BABAM2: variants seen among roughly 807,000 people sequenced by gnomAD.
BABAM2 encodes BRISC and BRCA1-A complex member 2.
Under a neutral mutation model 54.7 loss-of-function variants are expected in BABAM2, and 31 were observed. That is an observed-to-expected ratio of 0.57 (90% CI 0.43 to 0.77). The LOEUF is 0.77. BABAM2 is among the 30% of genes least tolerant of loss of function. The pLI is 0.00. For missense variants in BABAM2, 364 were observed against 455.8 expected, an observed-to-expected ratio of 0.80 and a Z score of 1.83; for synonymous variants, 167 against 162.9, an observed-to-expected ratio of 1.03 and a Z score of -0.19.
intron 7 of BABAM2, among the ~76,000 whole-genome samples, chr2:28,210,864 C>A (rs552157489): frequency 1.8e-4 from 28 of 152,104 alleles, no homozygotes; most frequent in Non-Finnish European, 4.0e-4. Context: ...TATATTTCTT[C>A]TAAACAAAAC....
chr2:27,891,691 T>C, intron 1 of BABAM2, among the ~76,000 whole-genome samples: 1 of 137,742 alleles, frequency 7.3e-6, no homozygotes, highest in African/African-American at 2.7e-5. Flanking sequence ...TGTGTTCCAC[T>C]CCCCACCCCC....
At chr2:28,205,617 C>T (rs999886515) in intron 7 of BABAM2, among the ~76,000 whole-genome samples, 1 of 152,150 alleles carries the variant, frequency 6.6e-6, no homozygotes, top group African/African-American at 2.4e-5. Context: ...TGTCTGATAC[C>T]AGAGCCCACC....
chr2:28,224,021 A>G (rs888646004), intron 7 of BABAM2, among the ~76,000 whole-genome samples: 3 of 152,202 alleles, frequency 2.0e-5, no homozygotes, highest in African/African-American at 7.2e-5. Flanking sequence ...CACTGCTTGT[A>G]TATGCAACAG....
chr2:27,976,621 T>C (rs1259183592), intron 3 of BABAM2, among the ~76,000 whole-genome samples: 1 of 152,188 alleles, frequency 6.6e-6, no homozygotes, highest in South Asian at 2.1e-4. Context: ...AATTGTTCTG[T>C]ATCCTAATTT....
At chr2:28,035,308 G>C (rs1676586040) in intron 5 of BABAM2, among the ~76,000 whole-genome samples, 1 of 152,152 alleles carries the variant, frequency 6.6e-6, no homozygotes, top group African/African-American at 2.4e-5. Context: ...GTTGCTAAGA[G>C]AAAGATAAAA....
intron 11 of BABAM2, among the ~76,000 whole-genome samples, chr2:28,316,468 G>A (rs981241983): frequency 6.6e-6 from 1 of 151,290 alleles, no homozygotes; most frequent in African/African-American, 2.4e-5. Context: ...AAGGAAGAAT[G>A]TCTTACCCCA....
chr2:28,177,585 T>C (rs2147871538), intron 7 of BABAM2, among the ~76,000 whole-genome samples: 1 of 151,440 alleles, frequency 6.6e-6, no homozygotes, highest in African/African-American at 2.4e-5. Flanking sequence ...ACAAAGGATA[T>C]ACAAAATAGC....
intron 3 of BABAM2, among the ~76,000 whole-genome samples, chr2:27,951,956 A>G (rs1669761361): frequency 6.6e-6 from 1 of 152,166 alleles, no homozygotes; most frequent in Non-Finnish European, 1.5e-5. Flanking sequence ...TCATTCTTCT[A>G]TCAATTATTG....
At chr2:27,896,797 G>T in intron 2 of BABAM2, 1 of 237,456 alleles carries the variant, frequency 4.2e-6, no homozygotes, top group Non-Finnish European at 8.5e-6. Context: ...TGGGTCTGGA[G>T]CAGCTTGTGC....
intron 7 of BABAM2, among the ~76,000 whole-genome samples, chr2:28,147,405 T>C (rs1671591524): frequency 6.6e-6 from 1 of 152,228 alleles, no homozygotes; most frequent in Non-Finnish European, 1.5e-5. Context: ...CCCTTAATTT[T>C]TTGTTTTAAA....
chr2:27,907,255 CT>C (rs879351795), intron 2 of BABAM2, among the ~76,000 whole-genome samples: 361 of 144,542 alleles, frequency 2.5e-3, no homozygotes, highest in East Asian at 6.0e-3. Context: ...AAAAATACAT[CT>C]TTTTTTTTTT....
chr2:27,980,266 A>C (rs945272816), intron 3 of BABAM2, among the ~76,000 whole-genome samples: 4 of 152,174 alleles, frequency 2.6e-5, no homozygotes, highest in African/African-American at 9.7e-5. Context: ...TGGAGTAAGC[A>C]GTGTCCAGGT....
chr2:27,897,293 A>G (rs1665412997), intron 2 of BABAM2: 2 of 152,236 alleles, frequency 1.3e-5, no homozygotes, highest in African/African-American at 4.8e-5. Context: ...CAAGCTAAAG[A>G]CTTGGGTATA....
chr2:28,218,906 A>T (rs553043415), intron 7 of BABAM2, among the ~76,000 whole-genome samples: 1 of 152,170 alleles, frequency 6.6e-6, no homozygotes, highest in Non-Finnish European at 1.5e-5. Flanking sequence ...GTTTTATTCA[A>T]TGGGACACAC....
intron 4 of BABAM2, among the ~76,000 whole-genome samples, chr2:28,021,027 A>C (rs1675215991): frequency 6.6e-6 from 1 of 151,386 alleles, no homozygotes; most frequent in Admixed American, 6.6e-5. Flanking sequence ...CTTGTGTAAA[A>C]GGTCCATGAA....
chr2:28,220,119 G>C (rs1438118535), intron 7 of BABAM2, among the ~76,000 whole-genome samples: 1 of 152,188 alleles, frequency 6.6e-6, no homozygotes, highest in Non-Finnish European at 1.5e-5. Flanking sequence ...ATACACACCA[G>C]CAAAACGAAC....
intron 11 of BABAM2, among the ~76,000 whole-genome samples, chr2:28,330,966 A>C (rs1690904758): frequency 6.6e-6 from 1 of 152,216 alleles, no homozygotes; most frequent in South Asian, 2.1e-4. Context: ...GTACTGGTAC[A>C]AAAACAGACA....
chr2:27,960,152 T>C (rs2148426746), intron 3 of BABAM2, among the ~76,000 whole-genome samples: 1 of 152,324 alleles, frequency 6.6e-6, no homozygotes, highest in Admixed American at 6.5e-5. Flanking sequence ...TTTTTTTACA[T>C]CTTTCTTATC....
intron 6 of BABAM2, among the ~76,000 whole-genome samples, chr2:28,055,235 G>A (rs879590339): frequency 6.6e-5 from 10 of 152,108 alleles, no homozygotes; most frequent in Non-Finnish European, 1.0e-4. Context: ...ATACAAAAAA[G>A]GGAGAAATAG....
Sources: allele counts gnomAD v4.1 joint callset (sites outside exome capture counted in the v4.1 genomes callset), GRCh38; gene constraint gnomAD v4.1.1; transcripts MANE v1.5; gene names NCBI Gene and HGNC (gene_info 2026-07-23, HGNC 2026-07-21).